Variants in COL21A1 observed in about 807,000 individuals in gnomAD.
The protein encoded by COL21A1 is collagen type XXI alpha 1 chain, also known as collagen alpha-1(XXI) chain.
Under a neutral mutation model 137.9 loss-of-function variants are expected in COL21A1, and 149 were observed. The observed-to-expected ratio is 1.08, with a 90% confidence interval of 0.95 to 1.24. COL21A1 has a LOEUF of 1.24. COL21A1 is among the 50% of genes most tolerant of loss of function. The probability of loss-of-function intolerance (pLI) is 0.00; values close to 1 mark genes in which losing one functional copy is unlikely to be tolerated. For missense variants in COL21A1, 1,167 were observed against 1,158.4 expected (o/e 1.01, Z -0.11); for synonymous variants, 456 against 391.5 (o/e 1.16, Z -1.95).
intron 1 of COL21A1, among the ~76,000 whole-genome samples, chr6:56,388,516 C>T (rs1016747399): frequency 3.9e-5 from 6 of 152,334 alleles, no homozygotes; most frequent in African/African-American, 1.4e-4. Flanking sequence ...CAATGTTGTG[C>T]CTCTAGGAGT....
At chr6:56,325,707 A>ATAAT (rs1169622486) in intron 1 of COL21A1, among the ~76,000 whole-genome samples, 10 of 60 alleles carry the variant, frequency 0.17, 5 homozygotes, top group Non-Finnish European at 1. Flanking sequence ...TATAATATAT[A>ATAAT]ATATATGTAA....
At chr6:56,120,306 T>C (rs1002899841) in intron 16 of COL21A1, among the ~76,000 whole-genome samples, 1 of 152,192 alleles carries the variant, frequency 6.6e-6, no homozygotes, top group Non-Finnish European at 1.5e-5. Flanking sequence ...AAGATGTTCA[T>C]CATTGATACT....
chr6:56,057,762 T>C lies in COL21A1; in HGVS notation c.2769A>G (p.Lys923=), dbSNP rs757058141. ...GGCCTGGTTGCCCTTGGATTCCAGG[T>C]TTTCCATGGTCTCCATCTTTGCCAG... is the stretch of plus-strand genomic sequence containing the variant. ...GLPGKDGDHG[K]PGIQGQPGPP... is the part of the protein sequence containing the mutation. Residue 923 remains lysine (K), a synonymous_variant, in exon 30 of 30, where the codon AAA becomes AAG. Transcript: ENST00000244728. 1 of 1,611,058 alleles carries C rather than the reference T, an allele frequency of 6.2e-7. No individual in the cohort carries two copies. The highest frequency in any genetic ancestry group is 8.5e-7 in the Non-Finnish European group (1 of 1,178,666).
rs756153535 is a variant in COL21A1 at position 56,077,619 on chromosome 6, C to A, written c.1813-46G>T. 1.1e-5 allele frequency: 13 copies of A among 1,176,582 alleles called. No individual in the cohort carries two copies. The African/African-American group carries it at 1.6e-4, about 14-fold the overall frequency. The allele number at this position is 1,176,582 out of a possible 1,614,324, so 72.9% of individuals were successfully genotyped here. On this transcript the variant is annotated intron_variant, in intron 17 of 29. Coordinates refer to ENST00000244728, the MANE Select transcript of COL21A1 (RefSeq NM_030820.4). Reference sequence around the variant, plus strand: ...TTTTTAACTTATAAAAAATTGAAGACTTTATCATTAAAGAAGAAACAGTCA... The same window carrying A: ...TTTTTAACTTATAAAAAATTGAAGAATTTATCATTAAAGAAGAAACAGTCA...
intron 17 of COL21A1, among the ~76,000 whole-genome samples, chr6:56,097,940 T>A (rs1275299109): frequency 4.7e-5 from 4 of 85,996 alleles, no homozygotes; most frequent in Non-Finnish European, 6.3e-5. Flanking sequence ...TATATAAAAA[T>A]ATATATAAAT....
intron 10 of COL21A1, 46 bp downstream of exon 10, chr6:56,156,841 C>G (rs2152257829): frequency 6.7e-7 from 1 of 1,489,312 alleles, no homozygotes; most frequent in African/African-American, 1.4e-5. Context: ...TACTTTGACA[C>G]TGTAATCCCA....
intron 18 of COL21A1, among the ~76,000 whole-genome samples, chr6:56,077,315 G>C (rs1477213228): frequency 1.2e-4 from 18 of 151,156 alleles, no homozygotes; most frequent in Non-Finnish European, 1.6e-4. Flanking sequence ...AGTAAAGGAG[G>C]AAGCATATAA....
chr6:56,067,243 T>TA lies in COL21A1; in HGVS notation c.2127+51dup, dbSNP rs1213473317. ...ATTTAAAAGTAAAATAAGAACTTTT[T>TA]AAAAGCTCTGATTTTATTGCTCAGC... On this transcript the variant is annotated intron_variant, in intron 23 of 29. Coordinates refer to ENST00000244728, the MANE Select transcript of COL21A1 (RefSeq NM_030820.4). 99 of 1,445,950 alleles carry TA rather than the reference T, an allele frequency of 6.8e-5. No individual in the cohort carries two copies. In the Middle Eastern group the frequency reaches 7.2e-4, roughly 10 times the overall value. The allele number at this position is 1,445,950 out of a possible 1,614,324, so 89.6% of individuals were successfully genotyped here.
At chr6:56,188,782 A>G (rs1778471382) in intron 1 of COL21A1, among the ~76,000 whole-genome samples, 1 of 152,172 alleles carries the variant, frequency 6.6e-6, no homozygotes, top group Non-Finnish European at 1.5e-5. Flanking sequence ...GGAAAGGGGA[A>G]AGAACAGGCA....
intron 1 of COL21A1, among the ~76,000 whole-genome samples, chr6:56,224,420 G>C (rs1195737453): frequency 6.6e-6 from 1 of 151,990 alleles, no homozygotes; most frequent in East Asian, 1.9e-4. Flanking sequence ...TTAACGTGGA[G>C]GCTTACAATT....
At chr6:56,266,104 A>G (rs1191179437) in intron 1 of COL21A1, among the ~76,000 whole-genome samples, 1 of 152,220 alleles carries the variant, frequency 6.6e-6, no homozygotes, top group African/African-American at 2.4e-5. Flanking sequence ...TGCTAACACA[A>G]TTATGACTTA....
intron 12 of COL21A1, 100 bp from the exon 13 acceptor site, chr6:56,126,249 A>G: frequency 1.4e-6 from 1 of 719,296 alleles, no homozygotes. Context: ...ATCCACTTCA[A>G]ATCTATCTGC....
At chr6:56,351,231 A>G (rs552999869) in intron 1 of COL21A1, among the ~76,000 whole-genome samples, 1 of 152,372 alleles carries the variant, frequency 6.6e-6, no homozygotes, top group South Asian at 2.1e-4. Context: ...GTATTCTTTG[A>G]AGGCCACTGC....
Position 56,104,574 on chromosome 6 carries a change from T to C in COL21A1, c.1759-3049A>G, listed in dbSNP as rs527661633. On this transcript the variant is annotated intron_variant, in intron 16 of 29. Transcript: ENST00000244728. The stretch of plus-strand genomic sequence containing the variant: ...TACTTTTATGACCTGGATAACCTGG[T>C]GCAGGTCAGTTTGTTTGGCATTTGA... 1.1e-3 allele frequency among the ~76,000 whole-genome samples: 168 copies of C among 152,300 alleles called. 1 individual carries two copies. The highest frequency in any genetic ancestry group is 3.8e-3 in the African/African-American group (156 of 41,586).
At chr6:56,099,444 G>T (rs892638648) in intron 17 of COL21A1, among the ~76,000 whole-genome samples, 1 of 151,588 alleles carries the variant, frequency 6.6e-6, no homozygotes, top group Admixed American at 6.6e-5. Context: ...CACCGTGTTA[G>T]CCAGGATGGT....
chr6:56,292,263 C>T (rs188556461), intron 1 of COL21A1, among the ~76,000 whole-genome samples: 10 of 152,046 alleles, frequency 6.6e-5, no homozygotes, highest in Admixed American at 2.0e-4. Context: ...ATTTTCTTGC[C>T]TGTTACTCTG....
At chr6:56,064,537 CTTG>C (rs1766075447) in intron 24 of COL21A1, 38 bp downstream of exon 24, 2 of 1,369,646 alleles carry the variant, frequency 1.5e-6, no homozygotes, top group Non-Finnish European at 2.0e-6. Flanking sequence ...AGTTATGTGA[CTTG>C]TTATTTCATT....
intron 17 of COL21A1, among the ~76,000 whole-genome samples, chr6:56,086,698 A>C (rs1421652501): frequency 6.6e-6 from 1 of 152,030 alleles, no homozygotes; most frequent in Non-Finnish European, 1.5e-5. Flanking sequence ...CACTGGGTGT[A>C]ATTTTGTGAA....
At chr6:56,092,088 G>T (rs1768870851) in intron 17 of COL21A1, among the ~76,000 whole-genome samples, 1 of 151,820 alleles carries the variant, frequency 6.6e-6, no homozygotes, top group South Asian at 2.1e-4. Context: ...GTCTAGCAAA[G>T]TTGGCATCTT....
Sources: gnomAD v4.1 joint callset for allele counts (sites outside exome capture counted in the v4.1 genomes callset) on GRCh38, gnomAD v4.1.1 for gene constraint, MANE v1.5 for transcripts, NCBI Gene and HGNC (gene_info 2026-07-23, HGNC 2026-07-21) for gene names.